DPP10: variants seen among roughly 807,000 people sequenced by gnomAD.
DPP10 encodes inactive dipeptidyl peptidase 10.
In DPP10, 33 loss-of-function variants were observed where a neutral mutation model predicts 120.9. That is an observed-to-expected ratio of 0.27 (90% CI 0.21 to 0.37). DPP10 has a LOEUF of 0.37. Ranked by LOEUF, DPP10 falls within the 10% of genes least tolerant of loss-of-function variation. The probability of loss-of-function intolerance (pLI) is 1.00; values close to 1 mark genes in which losing one functional copy is unlikely to be tolerated. For missense variants in DPP10, 816 were observed against 942.8 expected (o/e 0.87, Z 1.76); for synonymous variants, 337 against 326.1 (o/e 1.03, Z -0.36).
chr2:114,545,558 TACTTCTCATGC>T (rs1687323522), intron 1 of DPP10, among the ~76,000 whole-genome samples: 1 of 152,238 alleles, frequency 6.6e-6, no homozygotes, highest in Non-Finnish European at 1.5e-5. Context: ...ACCTGATGAG[TACTTCTCATGC>T]AGGGGATTTA....
chr2:115,564,232 CTTTT>C (rs11333808), intron 5 of DPP10, among the ~76,000 whole-genome samples: 5 of 112,826 alleles, frequency 4.4e-5, no homozygotes, highest in Non-Finnish European at 8.0e-5. Flanking sequence ...TTGATCATGT[CTTTT>C]TTTTTTTTTT....
At chr2:114,884,815 T>C (rs1691921802) in intron 1 of DPP10, among the ~76,000 whole-genome samples, 1 of 152,198 alleles carries the variant, frequency 6.6e-6, no homozygotes, top group Non-Finnish European at 1.5e-5. Flanking sequence ...CATACAATGA[T>C]TGGTTTTCCA....
At position 115,189,749 on chromosome 2, in the gene DPP10, A is replaced by G. The variant is rs905837065; in HGVS notation, c.61-119490A>G. 8.5e-5 allele frequency among the ~76,000 whole-genome samples: 13 copies of G among 152,182 alleles called. No individual in the cohort carries two copies. The East Asian group carries it at 2.5e-3, about 29-fold the overall frequency. On this transcript the variant is annotated intron_variant, in intron 1 of 25. Transcript: ENST00000410059. ...GGACGTTTTAGTAAGTGCTGCCTCTATGAGTCTGCGCCCCAGCCCACAGAT... is the reference window on the plus strand; with the variant it reads ...GGACGTTTTAGTAAGTGCTGCCTCTGTGAGTCTGCGCCCCAGCCCACAGAT...
At chr2:114,776,397 A>AG in intron 1 of DPP10, among the ~76,000 whole-genome samples, 1 of 152,092 alleles carries the variant, frequency 6.6e-6, no homozygotes, top group East Asian at 1.9e-4. Context: ...AGAAGGAAAA[A>AG]ACAGTTACAT....
intron 1 of DPP10, among the ~76,000 whole-genome samples, chr2:114,785,757 T>A (rs1682714639): frequency 6.6e-6 from 1 of 152,172 alleles, no homozygotes; most frequent in Admixed American, 6.5e-5. Flanking sequence ...CTTTGTACAA[T>A]AGATTTTAAA....
chr2:115,752,378 G>A (rs538716034), intron 10 of DPP10, among the ~76,000 whole-genome samples: 2 of 152,156 alleles, frequency 1.3e-5, no homozygotes, highest in South Asian at 4.2e-4. Context: ...CCAAATGTAT[G>A]TGTTACAAAG....
intron 1 of DPP10, among the ~76,000 whole-genome samples, chr2:114,473,691 C>T (rs1194419988): frequency 2.0e-5 from 3 of 152,100 alleles, no homozygotes; most frequent in African/African-American, 4.8e-5. Context: ...ATAAGGTAAA[C>T]ACGTGCAATA....
intron 3 of DPP10, among the ~76,000 whole-genome samples, chr2:115,431,483 G>A (rs193083773): frequency 2.0e-5 from 3 of 152,258 alleles, no homozygotes; most frequent in African/African-American, 7.2e-5. Context: ...CATGAATTCT[G>A]ATACTGCAGT....
intron 1 of DPP10, among the ~76,000 whole-genome samples, chr2:114,590,520 T>G (rs1343464701): frequency 2.6e-5 from 4 of 152,240 alleles, no homozygotes; most frequent in African/African-American, 9.6e-5. Context: ...TGTGAAGTGT[T>G]AACATTTTCT....
At chr2:115,352,413 G>A (rs1225892250) in intron 3 of DPP10, among the ~76,000 whole-genome samples, 1 of 152,108 alleles carries the variant, frequency 6.6e-6, no homozygotes, top group African/African-American at 2.4e-5. Flanking sequence ...AAAATATCTG[G>A]TGTCCTCATA....
At chr2:115,408,447 C>T (rs573301875) in intron 3 of DPP10, among the ~76,000 whole-genome samples, 50 of 152,102 alleles carry the variant, frequency 3.3e-4, no homozygotes, top group African/African-American at 1.0e-3. Flanking sequence ...TTGGCTGCCT[C>T]CTGTCTCTGT....
intron 1 of DPP10, among the ~76,000 whole-genome samples, chr2:114,744,596 A>G (rs1036854717): frequency 1.3e-5 from 2 of 152,218 alleles, no homozygotes; most frequent in African/African-American, 4.8e-5. Flanking sequence ...AGAGGCAGTT[A>G]TGCGGAGAAT....
At chr2:115,420,785 A>G (rs184365424) in intron 3 of DPP10, among the ~76,000 whole-genome samples, 1 of 152,264 alleles carries the variant, frequency 6.6e-6, no homozygotes, top group African/African-American at 2.4e-5. Context: ...GGCAGCAGGA[A>G]CTTCCTGGGA....
At chr2:114,537,993 G>A (rs115455711) in intron 1 of DPP10, among the ~76,000 whole-genome samples, 1,613 of 152,288 alleles carry the variant, frequency 0.011, 31 homozygotes, top group African/African-American at 0.037. Flanking sequence ...AAGGCCAACT[G>A]GGAAATCCCT....
chr2:115,526,389 A>T (rs1372303299), intron 5 of DPP10: 1 of 153,762 alleles, frequency 6.5e-6, no homozygotes, highest in Non-Finnish European at 1.4e-5. Flanking sequence ...TGCTGAAAAC[A>T]TTGATTATGG....
intron 12 of DPP10, among the ~76,000 whole-genome samples, chr2:115,764,406 T>G (rs549543196): frequency 8.5e-5 from 13 of 152,052 alleles, no homozygotes; most frequent in African/African-American, 2.9e-4. Context: ...TTTATCTTGG[T>G]CAATGTACAA....
intron 1 of DPP10, among the ~76,000 whole-genome samples, chr2:115,168,793 T>C (rs1259780417): frequency 2.0e-5 from 3 of 152,198 alleles, no homozygotes; most frequent in African/African-American, 7.2e-5. Context: ...TGTAGATTTA[T>C]GTTTGTTAAG....
At chr2:115,149,384 A>C (rs1414433228) in intron 1 of DPP10, among the ~76,000 whole-genome samples, 2 of 152,228 alleles carry the variant, frequency 1.3e-5, no homozygotes, top group Non-Finnish European at 2.9e-5. Context: ...AACTCCAAAA[A>C]GGACAGAACT....
intron 1 of DPP10, among the ~76,000 whole-genome samples, chr2:115,016,520 A>C (rs1014377166): frequency 6.6e-6 from 1 of 152,184 alleles, no homozygotes; most frequent in Non-Finnish European, 1.5e-5. Flanking sequence ...TAACTAAACT[A>C]AAGAGCTTCT....
Sources: gnomAD v4.1 joint callset for allele counts (sites outside exome capture counted in the v4.1 genomes callset) on GRCh38, gnomAD v4.1.1 for gene constraint, MANE v1.5 for transcripts, NCBI Gene and HGNC (gene_info 2026-07-23, HGNC 2026-07-21) for gene names.